LRP6: variants seen among roughly 807,000 people sequenced by gnomAD.
LRP6 encodes the protein low-density lipoprotein receptor-related protein 6.
LRP6 carries 43 observed loss-of-function variants against 184.1 expected under a neutral mutation model. That is an observed-to-expected ratio of 0.23 (90% confidence interval 0.18 to 0.30). The LOEUF is 0.30. Among genes scored for constraint, LRP6 ranks in the 10% least tolerant of loss-of-function variants. The pLI is 1.00. For synonymous variants in LRP6, 719 were observed against 684.9 expected (o/e 1.05, Z -0.78); for missense variants, 1,571 against 2,005.3 (o/e 0.78, Z 4.14).
intron 7 of LRP6, among the ~76,000 whole-genome samples, chr12:12,168,433 C>T (rs984784454): frequency 3.3e-5 from 5 of 152,180 alleles, no homozygotes; most frequent in East Asian, 1.9e-4. Flanking sequence ...AGGATGCACA[C>T]GACATGTTTG....
chr12:12,245,996 C>CCT (rs1865173845), intron 1 of LRP6, among the ~76,000 whole-genome samples: 5 of 90,180 alleles, frequency 5.5e-5, no homozygotes, highest in African/African-American at 1.6e-4. Context: ...TTTATATAAA[C>CCT]TTTTTTTTTT....
chr12:12,234,999 AG>A (rs966482707), intron 2 of LRP6, among the ~76,000 whole-genome samples: 1 of 152,162 alleles, frequency 6.6e-6, no homozygotes, highest in African/African-American at 2.4e-5. Flanking sequence ...ACTGGAAAAA[AG>A]GGGGTAGGAG....
At chr12:12,139,736 A>G (rs1209116332) in intron 15 of LRP6, among the ~76,000 whole-genome samples, 2 of 152,128 alleles carry the variant, frequency 1.3e-5, no homozygotes, top group African/African-American at 4.8e-5. Context: ...AAAAAAAGAA[A>G]GAAAGAAAAA....
rs57464835 is a variant in LRP6 at position 12,196,892 on chromosome 12, G to A, written c.647+6311C>T. Among the ~76,000 whole-genome samples the A allele has an allele frequency of 8.3e-3, 1,257 of 152,080 alleles. 8 individuals are homozygous for A. The highest frequency in any genetic ancestry group is 0.029 in the African/African-American group (1,188 of 41,476). ...TCTTGTGATGTTAGTAGCCATCGAC[G>A]CTCACCACCTAGACCCATTCGTTCA... On this transcript the variant is annotated intron_variant, in intron 3 of 22. Coordinates refer to ENST00000261349, the MANE Select transcript of LRP6 (RefSeq NM_002336.3).
intron 5 of LRP6, 103 bp downstream of exon 5, chr12:12,183,877 G>T: frequency 1.0e-6 from 1 of 1,003,940 alleles, no homozygotes; most frequent in Non-Finnish European, 1.6e-6. Flanking sequence ...TAAGTGACTG[G>T]TCTCCCAAAG....
Position 12,170,600 on chromosome 12 carries a change from C to T in LRP6, c.1546-5305G>A, listed in dbSNP as rs569651566. Among the ~76,000 whole-genome samples, 4 of 152,120 alleles carry T rather than the reference C, an allele frequency of 2.6e-5. No individual in the cohort carries two copies. The East Asian group carries it at 7.7e-4, about 29-fold the overall frequency. Reference sequence around the variant, plus strand: ...TGGATTAGAGTCTTCAGAGTGGTGACTACATACAGCCTATAATAAAATTAA... The same window carrying T: ...TGGATTAGAGTCTTCAGAGTGGTGATTACATACAGCCTATAATAAAATTAA... On this transcript the variant is annotated intron_variant, in intron 7 of 22. Transcript: ENST00000261349.
Position 12,147,530 on chromosome 12 carries a change from T to C in LRP6, c.3233A>G (p.Glu1078Gly). Residue 1078 changes from glutamate to glycine, a missense_variant, in exon 15 of 23, where the codon GAA becomes GGA. Coordinates refer to ENST00000261349, the MANE Select transcript of LRP6 (RefSeq NM_002336.3). ...AGCCCGTTCAATTTTAGGAGACCTT[T>C]CCTGAAGATTGGTAAAATACATATA... The part of the protein sequence containing the change: ...KGYMYFTNLQ[E>G]RSPKIERAAL... 6.2e-7 allele frequency: 1 copy of C among 1,614,032 alleles called. No individual in the cohort carries two copies. Among genetic ancestry groups the C allele is most frequent in the Non-Finnish European group, 8.5e-7 (1 of 1,179,970 alleles).
chr12:12,211,418 G>GGT (rs1435322032), intron 2 of LRP6, among the ~76,000 whole-genome samples: 1 of 152,172 alleles, frequency 6.6e-6, no homozygotes, highest in Admixed American at 6.5e-5. Context: ...CTCCAGTCTG[G>GGT]GTGACAGAGC....
At chr12:12,220,282 T>C (rs1205614126) in intron 2 of LRP6, among the ~76,000 whole-genome samples, 3 of 148,834 alleles carry the variant, frequency 2.0e-5, no homozygotes, top group African/African-American at 5.0e-5. Context: ...AGCGAGAACC[T>C]GCCTCAAAAA....
At chr12:12,239,401 A>G (rs1367093171) in intron 2 of LRP6, among the ~76,000 whole-genome samples, 2 of 152,226 alleles carry the variant, frequency 1.3e-5, no homozygotes, top group East Asian at 3.8e-4. Flanking sequence ...GCACGGTCCA[A>G]GTGGTAGGAC....
chr12:12,218,517 A>ATAATAC (rs1427537241), intron 2 of LRP6, among the ~76,000 whole-genome samples: 10 of 142,964 alleles, frequency 7.0e-5, no homozygotes, highest in Admixed American at 2.1e-4. Flanking sequence ...AATAATAATA[A>ATAATAC]TACTATACAA....
chr12:12,205,321 C>CAAAAA (rs1864024399), intron 2 of LRP6, among the ~76,000 whole-genome samples: 1 of 17,928 alleles, frequency 5.6e-5, no homozygotes. Flanking sequence ...GACTCTGTCT[C>CAAAAA]AAACAAACAA....
At chr12:12,225,475 C>A (rs1390046763) in intron 2 of LRP6, among the ~76,000 whole-genome samples, 2 of 152,028 alleles carry the variant, frequency 1.3e-5, no homozygotes, top group African/African-American at 4.8e-5. Flanking sequence ...ACCTAAATTG[C>A]GATTGATGAC....
chr12:12,266,965 G>GCCGCCTCCTCCCCCGGCGCC lies in LRP6; in HGVS notation c.-250_-231dup. The GCCGCCTCCTCCCCCGGCGCC allele has an allele frequency of 1.8e-6, 1 of 541,432 alleles. No individual in the cohort carries two copies. Among genetic ancestry groups the GCCGCCTCCTCCCCCGGCGCC allele is most frequent in the Non-Finnish European group, 3.2e-6 (1 of 310,676 alleles). 33.5% of individuals were successfully genotyped at this position (541,432 alleles called of 1,614,324 possible). On this transcript the variant is annotated 5_prime_UTR_variant, in exon 1 of 23. An upstream open reading frame in the 5' UTR gains an earlier in-frame stop. Coordinates refer to ENST00000261349, the MANE Select transcript of LRP6 (RefSeq NM_002336.3). The stretch of plus-strand genomic sequence containing the variant: ...CGACGCCAGCGTCTGCTTCCATCCC[G>GCCGCCTCCTCCCCCGGCGCC]CCGCCTCCTCCCCCGGCGCCCCGCT...
At chr12:12,195,004 T>C (rs1333161961) in intron 3 of LRP6, among the ~76,000 whole-genome samples, 1 of 152,138 alleles carries the variant, frequency 6.6e-6, no homozygotes, top group African/African-American at 2.4e-5. Context: ...ATCCTCCAGG[T>C]CTATCCATAT....
chr12:12,169,309 G>T (rs1862968929), intron 7 of LRP6, among the ~76,000 whole-genome samples: 1 of 152,002 alleles, frequency 6.6e-6, no homozygotes. Context: ...TCTCACACTG[G>T]TTCAGATCAA....
At chr12:12,266,179 C>T (rs1365176362) in intron 1 of LRP6, among the ~76,000 whole-genome samples, 1 of 152,104 alleles carries the variant, frequency 6.6e-6, no homozygotes, top group Admixed American at 6.5e-5. Context: ...GGAAGCCAAT[C>T]ATTACCTGTA....
intron 21 of LRP6, 49 bp from the exon 22 acceptor site, chr12:12,124,711 T>A (rs1362978705): frequency 1.3e-5 from 15 of 1,180,174 alleles, no homozygotes; most frequent in Non-Finnish European, 1.8e-5. Flanking sequence ...ATAGAAACTA[T>A]CAGACTTTCT....
In LRP6 at chr12:12,162,338, C is replaced by T; in HGVS notation, c.2134G>A (p.Val712Ile). 1 of 1,614,224 alleles carries T rather than the reference C, an allele frequency of 6.2e-7. No homozygotes were observed. Among genetic ancestry groups the T allele is most frequent in the Non-Finnish European group, 8.5e-7 (1 of 1,180,042 alleles). The change falls in exon 10 of 23, where the codon GTA becomes ATA. Residue 712 changes from valine to isoleucine, a missense_variant. Physicochemically the swap from Val to Ile is conservative, Grantham distance 29. Around this residue, in one of 4 missense-constraint regions of LRP6, gnomAD observed 10 missense variants for 35.5 expected, o/e 0.28. Transcript: ENST00000261349. ...TACAAGTTCTTCCCAAGCCAGTCTACTGCCATGCCTTCTGGATAATCTAAG... is the reference window on the plus strand; with the variant it reads ...TACAAGTTCTTCCCAAGCCAGTCTATTGCCATGCCTTCTGGATAATCTAAG... The part of the protein sequence containing the change: ...FGLDYPEGMA[V>I]DWLGKNLYWA...
Sources: gnomAD v4.1 joint callset for allele counts (sites outside exome capture counted in the v4.1 genomes callset) on GRCh38, gnomAD v4.1.1 for gene constraint, gnomAD v4.1.1 regional missense constraint, MANE v1.5 for transcripts, NCBI Gene and HGNC (gene_info 2026-07-23, HGNC 2026-07-21) for gene names.